ZNF704: variants seen among roughly 807,000 people sequenced by gnomAD.
The protein encoded by ZNF704 is glucocorticoid induced gene 1.
A neutral mutation model predicts 44.7 loss-of-function variants in ZNF704; 10 were observed. The ratio of observed to expected loss-of-function variants is 0.22; its 90% CI spans 0.14 to 0.38. The LOEUF is 0.38. Among genes scored for constraint, ZNF704 ranks in the 10% least tolerant of loss-of-function variants. The pLI is 1.00. For synonymous variants in ZNF704, 211 were observed against 207.6 expected, an observed-to-expected ratio of 1.02 and a Z score of -0.14; for missense variants, 390 against 545.5, an observed-to-expected ratio of 0.71 and a Z score of 2.84.
intron 1 of ZNF704, among the ~76,000 whole-genome samples, chr8:80,849,097 A>C (rs1042227846): frequency 6.6e-6 from 1 of 152,230 alleles, no homozygotes; most frequent in Non-Finnish European, 1.5e-5. Context: ...GGAAGAGGTG[A>C]GTAGTAAAGT....
chr8:80,683,119 C>T (rs1795427785), intron 4 of ZNF704, among the ~76,000 whole-genome samples: 1 of 152,190 alleles, frequency 6.6e-6, no homozygotes, highest in Admixed American at 6.5e-5. Flanking sequence ...ACTGCATCAC[C>T]TTGTGGTCAT....
At position 80,811,972 on chromosome 8, in the gene ZNF704, T is replaced by C. The variant is rs143164400; in HGVS notation, c.221+9402A>G. Among the ~76,000 whole-genome samples the C allele has an allele frequency of 2.1e-4, 32 of 152,260 alleles. No individual in the cohort carries two copies. In the East Asian group the frequency reaches 6.2e-3, roughly 29 times the overall value. ...AGGTGTCTAGTTTGCACACTCCTTA[T>C]AATAATCAAATGATAAATGTAATGC... On this transcript the variant is annotated intron_variant, in intron 2 of 8. Transcript: ENST00000327835.
rs139526842 is a variant in ZNF704 at position 80,763,446 on chromosome 8, C to T, written c.221+57928G>A. Among the ~76,000 whole-genome samples, 790 of 152,366 alleles carry T rather than the reference C, an allele frequency of 5.2e-3. 7 individuals are homozygous for T. Among genetic ancestry groups the T allele is most frequent in the African/African-American group, 0.019 (771 of 41,594 alleles). ...GGAAGCTGCCAAGGCTTGGGGCTTGCACCCTCTGAAACCATGGCCTGTGGT... is the reference window on the plus strand; with the variant it reads ...GGAAGCTGCCAAGGCTTGGGGCTTGTACCCTCTGAAACCATGGCCTGTGGT... On this transcript the variant is annotated intron_variant, in intron 2 of 8. Transcript: ENST00000327835.
rs1000756217 is a variant in ZNF704 at position 80,629,906 on chromosome 8, T to G, written c.*11460A>C. 1 of 152,234 alleles carries G rather than the reference T, an allele frequency of 6.6e-6. No homozygotes were observed. The highest frequency in any genetic ancestry group is 1.5e-5 in the Non-Finnish European group (1 of 68,042). The allele number at this position is 152,234 out of a possible 1,614,324, so 9.4% of individuals were successfully genotyped here. A position where few individuals can be genotyped will look rare whatever the true frequency, so the allele number is the denominator to read the frequency against. On this transcript the variant is annotated 3_prime_UTR_variant, in exon 9 of 9. Transcript: ENST00000327835. ...CCACCTTTAAAGAACTGGGCACATT[T>G]TCTAACAGCCAACATTTCCCATTTA...
intron 2 of ZNF704, among the ~76,000 whole-genome samples, chr8:80,720,835 C>T (rs184240299): frequency 1.4e-3 from 206 of 152,338 alleles, no homozygotes; most frequent in Admixed American, 1.9e-3. Flanking sequence ...GTTAGTCTCA[C>T]CAATCTCAGT....
intron 2 of ZNF704, among the ~76,000 whole-genome samples, chr8:80,701,847 G>C (rs1818815868): frequency 6.6e-6 from 1 of 152,164 alleles, no homozygotes; most frequent in South Asian, 2.1e-4. Context: ...GGACTGCTGT[G>C]GGTTGTGGGG....
intron 1 of ZNF704, among the ~76,000 whole-genome samples, chr8:80,833,506 A>T (rs1353036906): frequency 6.6e-6 from 1 of 152,222 alleles, no homozygotes; most frequent in Non-Finnish European, 1.5e-5. Context: ...TACACAGAAA[A>T]ATATGTTGGA....
intron 1 of ZNF704, among the ~76,000 whole-genome samples, chr8:80,842,004 C>T (rs1808689018): frequency 6.6e-6 from 1 of 152,062 alleles, no homozygotes; most frequent in Non-Finnish European, 1.5e-5. Context: ...CCTTTGTCGC[C>T]CAGGTTGGTC....
chr8:80,803,990 C>CA (rs901644330), intron 2 of ZNF704, among the ~76,000 whole-genome samples: 2 of 151,422 alleles, frequency 1.3e-5, no homozygotes, highest in South Asian at 2.1e-4. Flanking sequence ...TTAGAAGAAA[C>CA]AAAAAAATCC....
At chr8:80,659,180 C>T (rs1436057068) in intron 7 of ZNF704, among the ~76,000 whole-genome samples, 1 of 152,112 alleles carries the variant, frequency 6.6e-6, no homozygotes, top group Admixed American at 6.5e-5. Context: ...TTTTTTGAGC[C>T]TTCAAAATGA....
intron 2 of ZNF704, among the ~76,000 whole-genome samples, chr8:80,761,567 T>G (rs764488721): frequency 5.9e-5 from 9 of 152,252 alleles, no homozygotes; most frequent in Non-Finnish European, 1.3e-4. Flanking sequence ...AAAATATAAT[T>G]CTGAAAAAAT....
chr8:80,792,755 G>A (rs1807732975), intron 2 of ZNF704, among the ~76,000 whole-genome samples: 1 of 152,156 alleles, frequency 6.6e-6, no homozygotes, highest in African/African-American at 2.4e-5. Context: ...AGCCACCTAA[G>A]AACTGAGGAC....
rs1817851852 is a variant in ZNF704, at chr8:80,647,490, A to G, written c.1033-4361T>C. Among the ~76,000 whole-genome samples, 2 of 152,224 alleles carry G rather than the reference A, an allele frequency of 1.3e-5. 1 individual carries two copies. Among genetic ancestry groups the G allele is most frequent in the South Asian group, 4.1e-4 (2 of 4,834 alleles). On this transcript the variant is annotated intron_variant, in intron 7 of 8. Transcript: ENST00000327835. The stretch of plus-strand genomic sequence containing the variant: ...AAGTAAGACATCTGATTAATGCTTT[A>G]AACAGATCACTTTGGCACTTTGGAG...
chr8:80,759,969 G>C (rs1318811100), intron 2 of ZNF704, among the ~76,000 whole-genome samples: 4 of 151,936 alleles, frequency 2.6e-5, no homozygotes, highest in Non-Finnish European at 5.9e-5. Context: ...TGTTACTCAG[G>C]CTGTCTTGAA....
chr8:80,803,401 G>T (rs1271329126), intron 2 of ZNF704, among the ~76,000 whole-genome samples: 1 of 152,106 alleles, frequency 6.6e-6, no homozygotes, highest in Non-Finnish European at 1.5e-5. Context: ...AATGAACAAA[G>T]CTGGAGGCAT....
intron 1 of ZNF704, among the ~76,000 whole-genome samples, chr8:80,843,249 G>A (rs888019776): frequency 2.0e-5 from 3 of 152,332 alleles, no homozygotes; most frequent in Non-Finnish European, 2.9e-5. Context: ...TAGTTTTACA[G>A]ACTTCTTACA....
chr8:80,844,040 G>A (rs974868336), intron 1 of ZNF704, among the ~76,000 whole-genome samples: 7 of 151,228 alleles, frequency 4.6e-5, no homozygotes, highest in Non-Finnish European at 1.0e-4. Context: ...TATGTTCATG[G>A]AGCTTACAAT....
intron 2 of ZNF704, among the ~76,000 whole-genome samples, chr8:80,769,764 C>G (rs1807287647): frequency 6.6e-6 from 1 of 152,206 alleles, no homozygotes; most frequent in Non-Finnish European, 1.5e-5. Context: ...GCCTTCCAAA[C>G]TGTTCCAACC....
chr8:80,752,826 C>A (rs1422568068), intron 2 of ZNF704, among the ~76,000 whole-genome samples: 1 of 152,192 alleles, frequency 6.6e-6, no homozygotes, highest in African/African-American at 2.4e-5. Context: ...CAGGCATGAG[C>A]CACCGCGCCT....
Sources: allele counts gnomAD v4.1 joint callset (sites outside exome capture counted in the v4.1 genomes callset), GRCh38; gene constraint gnomAD v4.1.1; transcripts MANE v1.5; gene names NCBI Gene and HGNC (gene_info 2026-07-23, HGNC 2026-07-21).